Variants in FRAS1 observed in about 807,000 individuals in gnomAD.
FRAS1 encodes extracellular matrix organizing protein FRAS1.
FRAS1 carries 290 observed loss-of-function variants against 435.2 expected under a neutral mutation model. The ratio of observed to expected loss-of-function variants is 0.67; its 90% CI spans 0.61 to 0.73. FRAS1 has a LOEUF of 0.73. Ranked by LOEUF, FRAS1 falls within the 30% of genes least tolerant of loss-of-function variation. FRAS1 has a pLI of 0.00. For synonymous variants in FRAS1, 1,800 were observed against 1,851.0 expected, an observed-to-expected ratio of 0.97 and a Z score of 0.71; for missense variants, 4,860 against 5,001.5, an observed-to-expected ratio of 0.97 and a Z score of 0.85.
intron 2 of FRAS1, among the ~76,000 whole-genome samples, chr4:78,178,548 G>A (rs1008339796): frequency 6.6e-6 from 1 of 152,216 alleles, no homozygotes; most frequent in Non-Finnish European, 1.5e-5. Flanking sequence ...CTGATAGTCA[G>A]TGTAGTATTT....
chr4:78,413,099 G>T lies in FRAS1; in HGVS notation c.4425+14G>T. ...CTCCATATGACTGTGAGTTGGGTGG[G>T]AGGCTTGTGGTTTCCACTTAGAGGA... On this transcript the variant is annotated intron_variant, in intron 32 of 73. Coordinates refer to ENST00000512123, the MANE Select transcript of FRAS1 (RefSeq NM_025074.7). The T allele has an allele frequency of 6.6e-7, 1 of 1,513,216 alleles. No individual in the cohort carries two copies. Among genetic ancestry groups the T allele is most frequent in the South Asian group, 1.2e-5 (1 of 84,434 alleles). The allele number at this position is 1,513,216 out of a possible 1,614,324, so 93.7% of individuals were successfully genotyped here.
chr4:78,338,979 G>A (rs1365889679), intron 20 of FRAS1, among the ~76,000 whole-genome samples: 5 of 152,214 alleles, frequency 3.3e-5, no homozygotes, highest in South Asian at 4.1e-4. Context: ...TGCTGGATTC[G>A]GAGCGGAAGC....
intron 20 of FRAS1, among the ~76,000 whole-genome samples, chr4:78,354,570 G>A (rs144523982): frequency 1.3e-5 from 2 of 152,242 alleles, no homozygotes; most frequent in East Asian, 3.9e-4. Flanking sequence ...AGTGGCATTA[G>A]AATTCAAATT....
intron 2 of FRAS1, among the ~76,000 whole-genome samples, chr4:78,214,277 G>A (rs1723648058): frequency 6.6e-6 from 1 of 152,188 alleles, no homozygotes; most frequent in Admixed American, 6.5e-5. Flanking sequence ...GATAGTATGT[G>A]GTTGGATTAG....
chr4:78,166,110 G>C (rs1488939271), intron 2 of FRAS1, among the ~76,000 whole-genome samples: 1 of 152,128 alleles, frequency 6.6e-6, no homozygotes, highest in Admixed American at 6.6e-5. Context: ...ATACCTACCA[G>C]TGTACTTTGG....
In FRAS1 at chr4:78,473,600, A is replaced by G. The variant is rs770176591; in HGVS notation, c.7682+3A>G. On this transcript the variant is annotated splice_donor_region_variant and intron_variant, in intron 53 of 73. Transcript: ENST00000512123. ...CTCATCAGCTTTAAATATACCAGGT[A>G]CAAGTTTTACTGTGCTTTCCTTCTT... is the stretch of plus-strand genomic sequence containing the variant. The G allele has an allele frequency of 1.3e-6, 2 of 1,578,208 alleles. No individual in the cohort carries two copies. Among genetic ancestry groups the G allele is most frequent in the South Asian group, 1.2e-5 (1 of 84,158 alleles).
chr4:78,484,152 T>A (rs1720102733), intron 58 of FRAS1, among the ~76,000 whole-genome samples: 1 of 152,144 alleles, frequency 6.6e-6, no homozygotes, highest in Non-Finnish European at 1.5e-5. Flanking sequence ...ATATAATATC[T>A]ATGATTTTGC....
intron 41 of FRAS1, among the ~76,000 whole-genome samples, chr4:78,442,789 C>A (rs1291949286): frequency 6.6e-6 from 1 of 152,194 alleles, no homozygotes; most frequent in Admixed American, 6.5e-5. Flanking sequence ...GGAGCAGCAA[C>A]CCCAGAGTTC....
chr4:78,255,184 A>C, intron 5 of FRAS1, 58 bp from the exon 6 acceptor site: 1 of 1,538,470 alleles, frequency 6.5e-7, no homozygotes, highest in South Asian at 1.2e-5. Flanking sequence ...CCATGCAGTC[A>C]GCCCTGGGAT....
At chr4:78,440,561 C>T (rs1435141171) in intron 40 of FRAS1, among the ~76,000 whole-genome samples, 2 of 152,024 alleles carry the variant, frequency 1.3e-5, no homozygotes, top group African/African-American at 2.4e-5. Flanking sequence ...GGTTAGCATA[C>T]AAAATAGAGC....
At chr4:78,389,603 T>A (rs1221606182) in intron 29 of FRAS1, among the ~76,000 whole-genome samples, 5 of 152,136 alleles carry the variant, frequency 3.3e-5, no homozygotes, top group African/African-American at 1.2e-4. Context: ...GGAGATGAGG[T>A]TTAGTTCTGG....
In FRAS1 at chr4:78,451,869, GTCATTTTCCA is replaced by G. The variant is rs773388117; in HGVS notation, c.6565_6574del (p.Phe2189AlafsTer3). 5 of 1,612,570 alleles carry G rather than the reference GTCATTTTCCA, an allele frequency of 3.1e-6. No homozygotes were observed. The highest frequency in any genetic ancestry group is 4.2e-6 in the Non-Finnish European group (5 of 1,179,404). On this transcript the variant is annotated frameshift_variant, in exon 46 of 74. Coordinates refer to ENST00000512123, the MANE Select transcript of FRAS1 (RefSeq NM_025074.7). LOFTEE classifies it high-confidence loss of function. ...GAGAAGGCAACAGATTGATTGACAA[GTCATTTTCCA>G]TCAGCATTCTAGGTAAAGAGACATT...
At chr4:78,118,797 C>T (rs1718828178) in intron 2 of FRAS1, among the ~76,000 whole-genome samples, 1 of 152,172 alleles carries the variant, frequency 6.6e-6, no homozygotes, top group African/African-American at 2.4e-5. Context: ...CCTCCTTCGG[C>T]TTGCACTCGG....
intron 56 of FRAS1, 95 bp from the exon 57 acceptor site, chr4:78,481,709 G>A: frequency 1.5e-6 from 2 of 1,366,680 alleles, no homozygotes; most frequent in South Asian, 1.2e-5. Flanking sequence ...GCTAAAAGCT[G>A]CCACTATTGC....
intron 2 of FRAS1, among the ~76,000 whole-genome samples, chr4:78,197,629 A>G (rs1385605611): frequency 6.6e-6 from 1 of 152,210 alleles, no homozygotes; most frequent in East Asian, 1.9e-4. Context: ...TATTGAGACA[A>G]GGGAAAGAGG....
chr4:78,312,032 CAAT>C (rs1379358513), intron 15 of FRAS1, among the ~76,000 whole-genome samples: 3 of 151,844 alleles, frequency 2.0e-5, no homozygotes, highest in Non-Finnish European at 2.9e-5. Flanking sequence ...CTTTGTTAAA[CAAT>C]AATCTTTGAT....
chr4:78,228,276 C>A (rs1385621739), intron 2 of FRAS1, among the ~76,000 whole-genome samples: 1 of 152,244 alleles, frequency 6.6e-6, no homozygotes, highest in Non-Finnish European at 1.5e-5. Flanking sequence ...AGTAAAGTCT[C>A]CCTAATATCT....
Position 78,536,597 on chromosome 4 carries a change from G to A in FRAS1, c.11093-398G>A, listed in dbSNP as rs534636890. ...ATGAGTTATTACATGAGAGGACTTGGTACAGTACCTGGAAAATAGTATGAG... is the reference window on the plus strand; with the variant it reads ...ATGAGTTATTACATGAGAGGACTTGATACAGTACCTGGAAAATAGTATGAG... On this transcript the variant is annotated intron_variant, in intron 71 of 73. Coordinates refer to ENST00000512123, the MANE Select transcript of FRAS1 (RefSeq NM_025074.7). Among the ~76,000 whole-genome samples, 166 of 152,166 alleles carry A rather than the reference G, an allele frequency of 1.1e-3. 2 individuals are homozygous for A. In the South Asian group the frequency reaches 0.033, roughly 30 times the overall value.
rs868769483 is a variant in FRAS1 at position 78,106,041 on chromosome 4, G to A, written c.108+40025G>A. Among the ~76,000 whole-genome samples the A allele has an allele frequency of 1.4e-4, 19 of 132,042 alleles. 2 individuals are homozygous for A. The highest frequency in any genetic ancestry group is 2.1e-4 in the Non-Finnish European group (13 of 61,310). The allele number at this position is 132,042 out of a possible 152,430, so 86.6% of individuals were successfully genotyped here. ...ACCCGAATATTGCGCTTTTCAGACC[G>A]GCTTAAGAAACGGCGCACCACGAGA... On this transcript the variant is annotated intron_variant, in intron 2 of 73. Transcript: ENST00000512123.
Sources: allele counts gnomAD v4.1 joint callset (sites outside exome capture counted in the v4.1 genomes callset), GRCh38; gene constraint gnomAD v4.1.1; transcripts MANE v1.5; gene names NCBI Gene and HGNC (gene_info 2026-07-23, HGNC 2026-07-21).